The following CCDC146 variants were observed in gnomAD, a reference collection of about 807,000 sequenced individuals.
CCDC146 encodes the protein coiled-coil domain-containing protein 146.
In CCDC146, 92 loss-of-function variants were observed where a neutral mutation model predicts 119.3. That is an observed-to-expected ratio of 0.77 (90% CI 0.65 to 0.92). The LOEUF (loss-of-function observed/expected upper bound fraction) is 0.92. Ranked by LOEUF, CCDC146 falls within the 40% of genes least tolerant of loss-of-function variation. CCDC146 has a pLI of 0.00. For missense variants in CCDC146, 1,000 were observed against 1,103.0 expected (o/e 0.91, Z 1.32); for synonymous variants, 372 against 371.8 (o/e 1.00, Z -0.01).
chr7:77,234,736 G>A (rs1792701375), intron 2 of CCDC146, among the ~76,000 whole-genome samples: 1 of 151,430 alleles, frequency 6.6e-6, no homozygotes. Context: ...ATCCATCTCT[G>A]GGGAAAAAAA....
At chr7:77,291,871 A>G (rs1293770534) in intron 17 of CCDC146, among the ~76,000 whole-genome samples, 1 of 152,268 alleles carries the variant, frequency 6.6e-6, no homozygotes, top group Non-Finnish European at 1.5e-5. Flanking sequence ...TTTCATTTAA[A>G]AAGTCATTTC....
At chr7:77,139,273 T>G (rs1246991669) in intron 1 of CCDC146, among the ~76,000 whole-genome samples, 2 of 152,196 alleles carry the variant, frequency 1.3e-5, no homozygotes, top group Non-Finnish European at 2.9e-5. Flanking sequence ...GTCTACATAC[T>G]GCATGACTTC....
At chr7:77,137,124 T>C (rs1790872097) in intron 1 of CCDC146, among the ~76,000 whole-genome samples, 1 of 152,098 alleles carries the variant, frequency 6.6e-6, no homozygotes, top group Non-Finnish European at 1.5e-5. Context: ...TGCTAAAGAA[T>C]ATCTATATAA....
At chr7:77,250,812 C>G (rs1793042467) in intron 4 of CCDC146, among the ~76,000 whole-genome samples, 1 of 140,902 alleles carries the variant, frequency 7.1e-6, no homozygotes, top group South Asian at 2.2e-4. Flanking sequence ...CTTGGATATT[C>G]TGGTATTTTC....
intron 2 of CCDC146, among the ~76,000 whole-genome samples, chr7:77,200,124 T>C (rs1231030943): frequency 2.6e-5 from 4 of 152,236 alleles, no homozygotes; most frequent in African/African-American, 7.2e-5. Context: ...TTGAAGTAAA[T>C]AATTATACGT....
intron 1 of CCDC146, among the ~76,000 whole-genome samples, chr7:77,166,446 C>T (rs1413456110): frequency 6.6e-6 from 1 of 150,810 alleles, no homozygotes; most frequent in Admixed American, 6.6e-5. Flanking sequence ...TCTTGCATTT[C>T]CCAAGAGCAG....
At chr7:77,259,417 C>T (rs1221362416) in intron 7 of CCDC146, 1 of 189,034 alleles carries the variant, frequency 5.3e-6, no homozygotes, top group South Asian at 1.2e-4. Flanking sequence ...CAGGCAGCAG[C>T]CCAAAGCCCA....
At chr7:77,219,504 A>G (rs941500535) in intron 2 of CCDC146, among the ~76,000 whole-genome samples, 2 of 152,222 alleles carry the variant, frequency 1.3e-5, no homozygotes, top group Non-Finnish European at 2.9e-5. Flanking sequence ...ATGATGGGTA[A>G]TAGCTATTTC....
At chr7:77,268,182 G>C (rs10224522) in intron 9 of CCDC146, among the ~76,000 whole-genome samples, 16,754 of 152,192 alleles carry the variant, frequency 0.11, 1,683 homozygotes, top group African/African-American at 0.27. Context: ...ATTAGATGGA[G>C]ACCAAAACTG....
chr7:77,149,948 A>G (rs1158236226), intron 1 of CCDC146, among the ~76,000 whole-genome samples: 9 of 152,060 alleles, frequency 5.9e-5, no homozygotes, highest in Non-Finnish European at 8.8e-5. Context: ...TGAGAATTCA[A>G]TGGGAAGAAG....
chr7:77,233,925 T>C (rs950628490), intron 2 of CCDC146, among the ~76,000 whole-genome samples: 6 of 151,990 alleles, frequency 3.9e-5, no homozygotes, highest in Non-Finnish European at 7.4e-5. Flanking sequence ...TTTTTGTATC[T>C]ATCTCTTCAA....
At chr7:77,144,180 TGTGAATGGGA>T (rs1409905165) in intron 1 of CCDC146, among the ~76,000 whole-genome samples, 9 of 151,704 alleles carry the variant, frequency 5.9e-5, no homozygotes, top group African/African-American at 2.2e-4. Flanking sequence ...TTGAAGCAAT[TGTGAATGGGA>T]GTTCACTCAT....
intron 2 of CCDC146, among the ~76,000 whole-genome samples, chr7:77,204,295 G>A (rs988952804): frequency 2.8e-4 from 42 of 152,094 alleles, no homozygotes; most frequent in African/African-American, 9.9e-4. Context: ...AGAGGTCTTA[G>A]TCCTTGTTCA....
At chr7:77,163,860 C>CTTTTTTTTTTTTTTTT (rs530810388) in intron 1 of CCDC146, among the ~76,000 whole-genome samples, 12 of 110,014 alleles carry the variant, frequency 1.1e-4, no homozygotes, top group South Asian at 2.7e-4. Flanking sequence ...TCTTTTTTTT[C>CTTTTTTTTTTTTTTTT]TTTTTTTTTT....
At chr7:77,163,937 G>C (rs951985295) in intron 1 of CCDC146, among the ~76,000 whole-genome samples, 1 of 140,092 alleles carries the variant, frequency 7.1e-6, no homozygotes, top group Non-Finnish European at 1.5e-5. Context: ...TCGGCTCACT[G>C]CAACCTCCAC....
chr7:77,206,046 G>A (rs1438910266), intron 2 of CCDC146, among the ~76,000 whole-genome samples: 1 of 152,116 alleles, frequency 6.6e-6, no homozygotes, highest in African/African-American at 2.4e-5. Context: ...ATATGTATTT[G>A]GCAAATCAAC....
At chr7:77,229,814 G>C (rs1792587332) in intron 2 of CCDC146, among the ~76,000 whole-genome samples, 2 of 152,050 alleles carry the variant, frequency 1.3e-5, no homozygotes, top group South Asian at 4.1e-4. Flanking sequence ...GTTTTCTTGA[G>C]TTTACCATAA....
chr7:77,261,991 T>C, intron 8 of CCDC146, 130 bp from the exon 9 acceptor site: 1 of 685,286 alleles, frequency 1.5e-6, no homozygotes, highest in Non-Finnish European at 2.4e-6. Context: ...CAAACGGTAG[T>C]TCTGTTTTTA....
rs1208832507 is a variant in CCDC146, at chr7:77,167,791, A to C, written c.123A>C (p.Leu41Phe). The change falls in exon 2 of 19, where the codon TTA (leucine) becomes TTC (phenylalanine). Residue 41 changes from leucine (L) to phenylalanine (F), a missense_variant. By Grantham distance (22) the Leu-to-Phe change is conservative (BLOSUM62 0). Transcript: ENST00000285871. Reference protein sequence around the residue: ...INIQDERFVDLSETPAFIFLH... With the variant: ...INIQDERFVDFSETPAFIFLH... ...TTCAAGATGAGCGGTTTGTTGATTT[A>C]TCTGAAACTCCAGCTTTCATTTTTC... is the stretch of plus-strand genomic sequence containing the variant. 6.2e-7 allele frequency: 1 copy of C among 1,612,100 alleles called. No individual in the cohort carries two copies. Among genetic ancestry groups the C allele is most frequent in the Non-Finnish European group, 8.5e-7 (1 of 1,179,252 alleles).
Sources: gnomAD v4.1 joint callset for allele counts (sites outside exome capture counted in the v4.1 genomes callset) on GRCh38, gnomAD v4.1.1 for gene constraint, MANE v1.5 for transcripts, NCBI Gene and HGNC (gene_info 2026-07-23, HGNC 2026-07-21) for gene names.